Variants in GALNS observed in about 807,000 individuals in gnomAD.
GALNS encodes N-acetylgalactosamine-6-sulfatase.
In GALNS, 65 loss-of-function variants were observed where a neutral mutation model predicts 65.9. That is an observed-to-expected ratio of 0.99 (90% CI 0.81 to 1.21). The LOEUF (loss-of-function observed/expected upper bound fraction) is 1.21, where lower values mean the gene tolerates loss of function less well. Among genes scored for constraint, GALNS ranks in the 50% most tolerant of loss-of-function variants. The probability of loss-of-function intolerance (pLI) is 0.00; values close to 1 mark genes in which losing one functional copy is unlikely to be tolerated. For missense variants in GALNS, 776 were observed against 700.7 expected, an observed-to-expected ratio of 1.11 and a Z score of -1.21; for synonymous variants, 346 against 288.9, an observed-to-expected ratio of 1.20 and a Z score of -2.00.
rs544091848 is a variant in GALNS at position 88,835,934 on chromosome 16, G to A, written c.634-85C>T. The A allele has an allele frequency of 1.1e-4, 178 of 1,598,118 alleles. No individual in the cohort carries two copies. The African/African-American group carries it at 1.7e-3, about 15-fold the overall frequency. ...CGGTCCCCGTCCCCACACGTCCCAC[G>A]GGGCGAGGTTGGTGCGGTCCCCGTC... On this transcript the variant is annotated intron_variant, in intron 6 of 13. Transcript: ENST00000268695.
chr16:88,815,747 G>C (rs566778224), intron 13 of GALNS: 1 of 985,468 alleles, frequency 1.0e-6, no homozygotes, highest in Admixed American at 6.1e-5. Flanking sequence ...CAGGGATGCC[G>C]CATGAGTGTC....
At chr16:88,856,595 C>A (rs867964763) in intron 1 of GALNS, 163 bp downstream of exon 1, 1 of 548,236 alleles carries the variant, frequency 1.8e-6, no homozygotes, top group African/African-American at 2.0e-5. Flanking sequence ...CCCGTCCCCT[C>A]CCCCTCCTCC....
chr16:88,815,380 G>A, intron 13 of GALNS: 1 of 985,466 alleles, frequency 1.0e-6, no homozygotes, highest in Middle Eastern at 5.2e-4. Flanking sequence ...CTCTCAAGAA[G>A]CCTTTCCCAG....
intron 8 of GALNS, among the ~76,000 whole-genome samples, chr16:88,833,244 C>T (rs1401467631): frequency 6.6e-6 from 1 of 152,136 alleles, no homozygotes; most frequent in Non-Finnish European, 1.5e-5. Context: ...TGCTCAGAGC[C>T]CCTCACGGGC....
chr16:88,816,020 C>G, intron 13 of GALNS: 1 of 985,370 alleles, frequency 1.0e-6, no homozygotes, highest in African/African-American at 1.7e-5. Flanking sequence ...TAAGGAGGGC[C>G]CCCAGGCTTC....
intron 1 of GALNS, among the ~76,000 whole-genome samples, chr16:88,850,856 G>A (rs184157653): frequency 1.3e-5 from 2 of 152,382 alleles, no homozygotes; most frequent in African/African-American, 4.8e-5. Flanking sequence ...TGCCCAGAAG[G>A]AGGATGCTGG....
chr16:88,815,549 G>C, intron 13 of GALNS: 1 of 985,480 alleles, frequency 1.0e-6, no homozygotes, highest in Non-Finnish European at 1.2e-6. Flanking sequence ...GCAACAGAAA[G>C]GGAGACTTAT....
At chr16:88,851,407 T>C (rs1034073687) in intron 1 of GALNS, among the ~76,000 whole-genome samples, 2 of 152,096 alleles carry the variant, frequency 1.3e-5, no homozygotes, top group African/African-American at 2.4e-5. Flanking sequence ...CATGGCTGAA[T>C]AGGAACAGCT....
Position 88,842,785 on chromosome 16 carries a change from C to T in GALNS, c.165G>A (p.Glu55=), listed in dbSNP as rs1158672797. Residue 55 remains glutamate, a synonymous_variant, in exon 2 of 14, where the codon GAG becomes GAA. Coordinates refer to ENST00000268695, the MANE Select transcript of GALNS (RefSeq NM_000512.5). ...CAGCCATCCGGTCCAAATTCGGGGTCTCTCTGGAGGGCTCTCCATACACCC... is the reference window on the plus strand; with the variant it reads ...CAGCCATCCGGTCCAAATTCGGGGTTTCTCTGGAGGGCTCTCCATACACCC... ...DLGVYGEPSR[E]TPNLDRMAAE... 1 of 1,613,368 alleles carries T rather than the reference C, an allele frequency of 6.2e-7. No individual in the cohort carries two copies. The highest frequency in any genetic ancestry group is 1.7e-5 in the Admixed American group (1 of 59,976).
At chr16:88,842,569 C>G (rs1419197392) in intron 2 of GALNS, 137 bp downstream of exon 2, 2 of 1,112,650 alleles carry the variant, frequency 1.8e-6, no homozygotes, top group East Asian at 5.2e-5. Context: ...AAGGCCTGAG[C>G]CCACCTGCCA....
chr16:88,845,103 C>A (rs577913917), intron 1 of GALNS: 1 of 151,550 alleles, frequency 6.6e-6, no homozygotes, highest in African/African-American at 2.4e-5. Context: ...ATCCCAGCAC[C>A]GTGGGAGGCC....
At chr16:88,830,491 C>G (rs1218959027) in intron 9 of GALNS, among the ~76,000 whole-genome samples, 2 of 152,214 alleles carry the variant, frequency 1.3e-5, no homozygotes, top group African/African-American at 4.8e-5. Flanking sequence ...GGGAGCCCCC[C>G]CCATCCTCGT....
chr16:88,828,565 T>C (rs1336251189), intron 9 of GALNS, among the ~76,000 whole-genome samples: 3 of 152,210 alleles, frequency 2.0e-5, no homozygotes, highest in Admixed American at 2.0e-4. Flanking sequence ...TGCCATCGAA[T>C]TCAATTTCAC....
intron 13 of GALNS, chr16:88,816,589 G>C: frequency 1.0e-6 from 1 of 981,860 alleles, no homozygotes; most frequent in Non-Finnish European, 1.2e-6. Flanking sequence ...AGGGTGGACT[G>C]TCCCTGGGCA....
chr16:88,837,478 C>T (rs1422475521), intron 5 of GALNS, 144 bp downstream of exon 5: 2 of 815,282 alleles, frequency 2.5e-6, no homozygotes, highest in Non-Finnish European at 3.9e-6. Context: ...AGCCACCAAA[C>T]CAAAGCCCTC....
At chr16:88,842,469 C>T in intron 2 of GALNS, 6 of 591,958 alleles carry the variant, frequency 1.0e-5, no homozygotes, top group South Asian at 1.0e-4. Flanking sequence ...AACAGAACAG[C>T]AGCCACCAAC....
At chr16:88,827,067 G>A in intron 9 of GALNS, 4 of 599,226 alleles carry the variant, frequency 6.7e-6, no homozygotes, top group Non-Finnish European at 1.2e-5. Context: ...CTCACTCCCT[G>A]GCACCCTTCT....
At position 88,814,277 on chromosome 16, in the gene GALNS, C is replaced by G; in HGVS notation, c.*162G>C. ...AGGAGGGCCAAGCACACGCCAGGGT[C>G]AGGTCCTGGGCAGGTGGAATTGTGC... On this transcript the variant is annotated 3_prime_UTR_variant, in exon 14 of 14. Coordinates refer to ENST00000268695, the MANE Select transcript of GALNS (RefSeq NM_000512.5). The G allele has an allele frequency of 1.0e-6, 1 of 957,672 alleles. No individual in the cohort carries two copies. Among genetic ancestry groups the G allele is most frequent in the South Asian group, 1.4e-5 (1 of 71,130 alleles). The allele number at this position is 957,672 out of a possible 1,614,324, so 59.3% of individuals were successfully genotyped here.
At chr16:88,855,328 G>C in intron 1 of GALNS, 1 of 700,536 alleles carries the variant, frequency 1.4e-6, no homozygotes, top group Non-Finnish European at 2.6e-6. Context: ...CCCAGAAGGA[G>C]TTACACAATG....
Sources: allele counts gnomAD v4.1 joint callset (sites outside exome capture counted in the v4.1 genomes callset), GRCh38; gene constraint gnomAD v4.1.1; transcripts MANE v1.5; gene names NCBI Gene and HGNC (gene_info 2026-07-23, HGNC 2026-07-21).